Variants in EPS15 observed in about 807,000 individuals in gnomAD.
The protein encoded by EPS15 is epidermal growth factor receptor substrate 15.
In EPS15, 72 loss-of-function variants were observed where a neutral mutation model predicts 113.8. The ratio of observed to expected loss-of-function variants is 0.63; its 90% CI spans 0.52 to 0.77. The LOEUF is 0.77. Among genes scored for constraint, EPS15 ranks in the 30% least tolerant of loss-of-function variants. The pLI, the probability that EPS15 is intolerant of heterozygous loss-of-function variation, is 0.00. For missense variants in EPS15, 1,048 were observed against 1,045.8 expected (o/e 1.00, Z -0.03); for synonymous variants, 344 against 363.4 (o/e 0.95, Z 0.61).
chr1:51,482,761 C>T lies in EPS15; in HGVS notation c.34-1447G>A, dbSNP rs188753301. On this transcript the variant is annotated intron_variant, in intron 1 of 24. Transcript: ENST00000371733. ...GATTACAAGCATGAGCCACCACACC[C>T]GGCCTTAGGAAGTAATTTTAATGGT... Among the ~76,000 whole-genome samples, 145 of 152,092 alleles carry T rather than the reference C, an allele frequency of 9.5e-4. 1 individual carries two copies. Among genetic ancestry groups the T allele is most frequent in the Non-Finnish European group, 1.5e-3 (101 of 68,008 alleles).
At chr1:51,406,917 A>G (rs1394998907) in intron 15 of EPS15, among the ~76,000 whole-genome samples, 1 of 152,214 alleles carries the variant, frequency 6.6e-6, no homozygotes, top group African/African-American at 2.4e-5. Context: ...AGAAAATACC[A>G]TAAAGAAATA....
chr1:51,467,011 C>T (rs1187894533), intron 5 of EPS15, among the ~76,000 whole-genome samples: 1 of 152,102 alleles, frequency 6.6e-6, no homozygotes, highest in African/African-American at 2.4e-5. Context: ...AAGCTATAAA[C>T]AGACATTCAC....
chr1:51,361,436 T>TA, intron 23 of EPS15, 81 bp from the exon 24 acceptor site: 1 of 1,054,478 alleles, frequency 9.5e-7, no homozygotes, highest in Non-Finnish European at 1.4e-6. Flanking sequence ...CAGATAGCAT[T>TA]AAAGTACTGT....
intron 1 of EPS15, among the ~76,000 whole-genome samples, chr1:51,484,636 A>G (rs145198355): frequency 6.6e-6 from 1 of 152,312 alleles, no homozygotes; most frequent in East Asian, 1.9e-4. Context: ...GATTCTTTAC[A>G]GATTCAACAA....
intron 6 of EPS15, 41 bp downstream of exon 6, chr1:51,465,220 A>C (rs1409306784): frequency 3.3e-6 from 4 of 1,214,104 alleles, no homozygotes; most frequent in Non-Finnish European, 4.8e-6. Context: ...GTAGATAGGA[A>C]GCAATGAAGG....
At chr1:51,401,721 G>A (rs1247298492) in intron 18 of EPS15, among the ~76,000 whole-genome samples, 1 of 152,214 alleles carries the variant, frequency 6.6e-6, no homozygotes, top group Non-Finnish European at 1.5e-5. Flanking sequence ...ATACAAAGCA[G>A]GCCAGGCGCA....
At chr1:51,492,253 G>A (rs554332540) in intron 1 of EPS15, among the ~76,000 whole-genome samples, 5 of 152,210 alleles carry the variant, frequency 3.3e-5, no homozygotes, top group Admixed American at 6.5e-5. Context: ...CTGCCTTCAA[G>A]GGCTTAAATT....
intron 21 of EPS15, among the ~76,000 whole-genome samples, chr1:51,387,057 G>C (rs1221293021): frequency 1.3e-5 from 2 of 152,022 alleles, no homozygotes; most frequent in Non-Finnish European, 2.9e-5. Context: ...AAAGGTTAAG[G>C]GCAGCCAGAG....
intron 13 of EPS15, 26 bp downstream of exon 13, chr1:51,421,760 G>C: frequency 7.0e-7 from 1 of 1,436,210 alleles, no homozygotes; most frequent in Non-Finnish European, 9.5e-7. Context: ...ATCAGCAGTG[G>C]AACACTAAAT....
chr1:51,463,286 T>A (rs1336546380), intron 7 of EPS15: 1 of 154,138 alleles, frequency 6.5e-6, no homozygotes, highest in African/African-American at 2.4e-5. Context: ...GAAGAATTTA[T>A]GATTTCAGAG....
chr1:51,481,685 C>T (rs190194961), intron 1 of EPS15, among the ~76,000 whole-genome samples: 48 of 152,214 alleles, frequency 3.2e-4, no homozygotes, highest in African/African-American at 9.2e-4. Context: ...ACCCAAGTAC[C>T]CAAAGTACCT....
chr1:51,459,001 C>T (rs548342232), intron 8 of EPS15: 1 of 152,248 alleles, frequency 6.6e-6, no homozygotes, highest in Non-Finnish European at 1.5e-5. Context: ...TTTACCATTT[C>T]CCAACTATTA....
intron 21 of EPS15, among the ~76,000 whole-genome samples, chr1:51,389,223 G>C (rs1213197017): frequency 1.3e-5 from 2 of 152,278 alleles, no homozygotes; most frequent in South Asian, 4.1e-4. Flanking sequence ...AAAACCACAT[G>C]ATTATCTCAA....
chr1:51,423,286 G>A, intron 12 of EPS15: 1 of 1,287,470 alleles, frequency 7.8e-7, no homozygotes, highest in African/African-American at 1.5e-5. Context: ...CATTGTTGCA[G>A]CCCGATCCTT....
chr1:51,461,252 C>T (rs1041007577), intron 7 of EPS15, 102 bp from the exon 8 acceptor site: 2 of 792,316 alleles, frequency 2.5e-6, no homozygotes, highest in East Asian at 5.2e-5. Context: ...GTGGCTCATG[C>T]CCATATGGCC....
intron 22 of EPS15, among the ~76,000 whole-genome samples, chr1:51,365,283 G>C (rs540527787): frequency 1.3e-5 from 2 of 152,192 alleles, no homozygotes; most frequent in South Asian, 4.2e-4. Flanking sequence ...GCATATTGTG[G>C]GGGGCTAGAG....
chr1:51,432,108 C>T (rs1335185017), intron 12 of EPS15, among the ~76,000 whole-genome samples: 1 of 152,108 alleles, frequency 6.6e-6, no homozygotes, highest in African/African-American at 2.4e-5. Flanking sequence ...ACTCTTAAAT[C>T]CTCCAGGAGT....
At chr1:51,453,749 C>A (rs1244461760) in intron 8 of EPS15, among the ~76,000 whole-genome samples, 1 of 151,864 alleles carries the variant, frequency 6.6e-6, no homozygotes, top group Admixed American at 6.6e-5. Context: ...TTACTAACAG[C>A]TGTCCACTTT....
intron 1 of EPS15, among the ~76,000 whole-genome samples, chr1:51,483,750 G>A (rs1644066617): frequency 6.6e-6 from 1 of 151,286 alleles, no homozygotes; most frequent in Admixed American, 6.6e-5. Context: ...AGGTTGCAGT[G>A]AGCTGAAATC....
Sources: gnomAD v4.1 joint callset for allele counts (sites outside exome capture counted in the v4.1 genomes callset) on GRCh38, gnomAD v4.1.1 for gene constraint, MANE v1.5 for transcripts, NCBI Gene and HGNC (gene_info 2026-07-23, HGNC 2026-07-21) for gene names.